Variants in NPRL3 observed in about 807,000 individuals in gnomAD.
NPRL3 encodes NPR3 like, GATOR1 complex subunit, also known as GATOR1 complex protein NPRL3.
Under a neutral mutation model 57.2 loss-of-function variants are expected in NPRL3, and 23 were observed. The ratio of observed to expected loss-of-function variants is 0.40; its 90% confidence interval spans 0.29 to 0.57. The LOEUF (loss-of-function observed/expected upper bound fraction) is 0.57. Ranked by LOEUF, NPRL3 falls within the 20% of genes least tolerant of loss-of-function variation. NPRL3 has a pLI of 0.42. For synonymous variants in NPRL3, 333 were observed against 321.1 expected, an observed-to-expected ratio of 1.04 and a Z score of -0.39; for missense variants, 691 against 767.1, an observed-to-expected ratio of 0.90 and a Z score of 1.17.
chr16:96,482 A>G (rs1899010330), intron 9 of NPRL3, among the ~76,000 whole-genome samples: 1 of 151,938 alleles, frequency 6.6e-6, no homozygotes, highest in Admixed American at 6.6e-5. Flanking sequence ...GGTGGGCAGG[A>G]CATGGTGTTT....
In NPRL3 at chr16:112,517, A is replaced by G. The variant is rs564447924; in HGVS notation, c.547+105T>C. The G allele has an allele frequency of 2.6e-5, 31 of 1,183,076 alleles. No individual in the cohort carries two copies. The African/African-American group carries it at 4.6e-4, about 18-fold the overall frequency. The allele number at this position is 1,183,076 out of a possible 1,614,324, so 73.3% of individuals were successfully genotyped here. A position where few individuals can be genotyped will look rare whatever the true frequency, so the allele number is the denominator to read the frequency against. ...TTGGGGTGGGTGAGGCCCCGCCAAC[A>G]TCTGTATCATTAACACTGAATGACA... On this transcript the variant is annotated intron_variant, in intron 6 of 13. Transcript: ENST00000611875.
chr16:108,108 C>A (rs181934589), intron 7 of NPRL3, among the ~76,000 whole-genome samples: 149 of 152,304 alleles, frequency 9.8e-4, no homozygotes, highest in Admixed American at 3.5e-3. Flanking sequence ...TTCTCTCACA[C>A]CTGGGGAGGC....
intron 10 of NPRL3, 41 bp downstream of exon 10, chr16:93,178 C>T (rs1369795829): frequency 7.5e-7 from 1 of 1,340,904 alleles, no homozygotes; most frequent in South Asian, 1.3e-5. Context: ...CTCACCCCTT[C>T]CCACTCGGGG....
In NPRL3 at chr16:95,605, G is replaced by C. The variant is rs1898973485; in HGVS notation, c.925-2280C>G. Among the ~76,000 whole-genome samples, 3 of 152,172 alleles carry C rather than the reference G, an allele frequency of 2.0e-5. No individual in the cohort carries two copies. In the South Asian group the frequency reaches 6.2e-4, roughly 31 times the overall value. ...ATTTTATTTTTTGAGACTGGGTCTT[G>C]CTCTGTTGCCCAGACTGCAGTGTGT... On this transcript the variant is annotated intron_variant, in intron 9 of 13. Coordinates refer to ENST00000611875, the MANE Select transcript of NPRL3 (RefSeq NM_001077350.3).
At chr16:123,240 T>C (rs972903763) in intron 3 of NPRL3, among the ~76,000 whole-genome samples, 1 of 152,164 alleles carries the variant, frequency 6.6e-6, no homozygotes, top group African/African-American at 2.4e-5. Context: ...TTGTGTGACA[T>C]GCCTGGTCCC....
At chr16:104,037 CTGGGAGGTAGAGG>C (rs1278104693) in intron 7 of NPRL3, among the ~76,000 whole-genome samples, 1 of 151,830 alleles carries the variant, frequency 6.6e-6, no homozygotes, top group Non-Finnish European at 1.5e-5. Flanking sequence ...TCACTTGAAC[CTGGGAGGTAGAGG>C]CGGAGGCGGA....
intron 7 of NPRL3, among the ~76,000 whole-genome samples, chr16:103,296 A>ATATTTTTTTTT (rs1899380750): frequency 2.4e-5 from 1 of 42,112 alleles, no homozygotes; most frequent in Non-Finnish European, 4.1e-5. Context: ...GCCTGGGGTG[A>ATATTTTTTTTT]TTTTTTTTTT....
chr16:117,263 C>T (rs1365759578), intron 5 of NPRL3, 38 bp downstream of exon 5: 1 of 1,421,528 alleles, frequency 7.0e-7, no homozygotes, highest in African/African-American at 1.4e-5. Context: ...CTCCACTGGC[C>T]CCACTCCCTG....
rs370196395 is a variant in NPRL3, at chr16:119,150, T to A, written c.294A>T (p.Thr98=). 6.2e-7 allele frequency: 1 copy of A among 1,613,672 alleles called. No homozygotes were observed. Among genetic ancestry groups the A allele is most frequent in the Non-Finnish European group, 8.5e-7 (1 of 1,179,740 alleles). Residue 98 remains threonine (T), a synonymous_variant, in exon 4 of 14, where the codon ACA becomes ACT. Coordinates refer to ENST00000611875, the MANE Select transcript of NPRL3 (RefSeq NM_001077350.3). The part of the protein sequence containing the change: ...IDNVRFVGHP[T]LLQHALGQIS... ...CCTGCCCCAGAGCATGCTGTAGCAG[T>A]GTTGGGTGCCCAACAAATCGCACAT...
At chr16:94,586 C>T (rs544153503) in intron 9 of NPRL3, among the ~76,000 whole-genome samples, 4 of 152,242 alleles carry the variant, frequency 2.6e-5, no homozygotes, top group African/African-American at 9.6e-5. Context: ...CTCATCTCTG[C>T]CAAAAATTTT....
intron 4 of NPRL3, among the ~76,000 whole-genome samples, chr16:117,774 G>T (rs1900108805): frequency 6.6e-6 from 1 of 152,260 alleles, no homozygotes. Flanking sequence ...TTCAGGGACA[G>T]CCAAGCCCTG....
intron 6 of NPRL3, among the ~76,000 whole-genome samples, chr16:112,142 C>T (rs1028458225): frequency 6.6e-6 from 1 of 152,242 alleles, no homozygotes; most frequent in African/African-American, 2.4e-5. Context: ...GTAATAGTTT[C>T]TTCAACATCT....
At chr16:107,905 G>T (rs1899607434) in intron 7 of NPRL3, among the ~76,000 whole-genome samples, 1 of 152,222 alleles carries the variant, frequency 6.6e-6, no homozygotes, top group Admixed American at 6.5e-5. Context: ...TCAGAATAAG[G>T]GAACAATGTC....
intron 7 of NPRL3, among the ~76,000 whole-genome samples, chr16:103,485 G>C (rs1899399242): frequency 6.6e-6 from 1 of 151,770 alleles, no homozygotes; most frequent in Admixed American, 6.6e-5. Context: ...GCTCAAAGTG[G>C]CTGTTGGGAC....
chr16:95,350 T>TACATACACAC (rs1898955605), intron 9 of NPRL3, among the ~76,000 whole-genome samples: 2 of 110,990 alleles, frequency 1.8e-5, no homozygotes, highest in African/African-American at 7.4e-5. Context: ...TATATATATA[T>TACATACACAC]ACACACACAC....
At chr16:92,837 G>T in intron 10 of NPRL3, 112 bp from the exon 11 acceptor site, 1 of 1,390,552 alleles carries the variant, frequency 7.2e-7, no homozygotes, top group Non-Finnish European at 9.9e-7. Flanking sequence ...TCAGGACAGT[G>T]CGATGAGGGC....
intron 3 of NPRL3, chr16:124,966 A>G (rs1469335500): frequency 6.6e-6 from 1 of 152,190 alleles, no homozygotes; most frequent in African/African-American, 2.4e-5. Flanking sequence ...AATCCCAGCT[A>G]CTCGGGAGGC....
At chr16:133,532 G>C (rs1900913952) in intron 2 of NPRL3, among the ~76,000 whole-genome samples, 1 of 37,204 alleles carries the variant, frequency 2.7e-5, no homozygotes, top group African/African-American at 2.8e-4. Flanking sequence ...GCCTAGCGTT[G>C]TTTGTTTGTT....
intron 5 of NPRL3, among the ~76,000 whole-genome samples, chr16:113,333 T>G (rs1273706500): frequency 5.9e-5 from 9 of 152,200 alleles, no homozygotes; most frequent in Admixed American, 4.6e-4. Context: ...CTGAATACTT[T>G]TGGTCCTGAA....
Sources: gnomAD v4.1 joint callset for allele counts (sites outside exome capture counted in the v4.1 genomes callset) on GRCh38, gnomAD v4.1.1 for gene constraint, MANE v1.5 for transcripts, NCBI Gene and HGNC (gene_info 2026-07-23, HGNC 2026-07-21) for gene names.